The following CSMD1 variants were observed in gnomAD, a reference collection of about 807,000 sequenced individuals.
CSMD1 encodes CUB and Sushi multiple domains 1.
Under a neutral mutation model 417.5 loss-of-function variants are expected in CSMD1, and 213 were observed. The ratio of observed to expected loss-of-function variants is 0.51; its 90% CI spans 0.46 to 0.57. CSMD1 has a LOEUF of 0.57. CSMD1 is among the 20% of genes least tolerant of loss of function. The pLI is 0.00. For missense variants in CSMD1, 6,923 were observed against 4,529.7 expected (o/e 1.53, Z -15.17); for synonymous variants, 2,862 against 1,736.8 (o/e 1.65, Z -16.11).
chr8:3,722,384 T>C (rs1170969424), intron 6 of CSMD1, among the ~76,000 whole-genome samples: 1 of 152,190 alleles, frequency 6.6e-6, no homozygotes, highest in Admixed American at 6.5e-5. Flanking sequence ...CTTTAGGAAT[T>C]TGAAAGCACA....
chr8:4,469,683 T>C (rs1800410028), intron 2 of CSMD1, among the ~76,000 whole-genome samples: 1 of 152,018 alleles, frequency 6.6e-6, no homozygotes, highest in South Asian at 2.1e-4. Context: ...AGGGAACTCT[T>C]GTCATCACAG....
intron 3 of CSMD1, among the ~76,000 whole-genome samples, chr8:4,185,827 C>T (rs964406090): frequency 4.6e-5 from 7 of 152,158 alleles, no homozygotes; most frequent in African/African-American, 1.7e-4. Context: ...AGAAAGTGCC[C>T]TGCATAAGCA....
chr8:4,201,894 G>GT (rs386411917), intron 3 of CSMD1, among the ~76,000 whole-genome samples: 1 of 148,030 alleles, frequency 6.8e-6, no homozygotes. Context: ...TTTTGGGGGG[G>GT]GGGGGCGCTG....
intron 7 of CSMD1, among the ~76,000 whole-genome samples, chr8:3,630,751 C>A (rs2128217): frequency 5.9e-5 from 9 of 151,990 alleles, no homozygotes; most frequent in African/African-American, 2.2e-4. Flanking sequence ...ACTGAGCCAA[C>A]GGTGGTAGCA....
chr8:3,907,945 G>T (rs565539441), intron 5 of CSMD1, among the ~76,000 whole-genome samples: 1 of 151,438 alleles, frequency 6.6e-6, no homozygotes, highest in Non-Finnish European at 1.5e-5. Context: ...TGATTTTTTT[G>T]GGGGGTGTGG....
At chr8:4,930,862 A>G (rs1807200894) in intron 1 of CSMD1, among the ~76,000 whole-genome samples, 1 of 152,224 alleles carries the variant, frequency 6.6e-6, no homozygotes, top group Non-Finnish European at 1.5e-5. Flanking sequence ...ATTTCTTAAT[A>G]AAGGGTTCCC....
At chr8:4,351,359 C>G (rs564956634) in intron 3 of CSMD1, among the ~76,000 whole-genome samples, 1 of 152,204 alleles carries the variant, frequency 6.6e-6, no homozygotes, top group Non-Finnish European at 1.5e-5. Context: ...GAGGCATCTC[C>G]TTATTCGTCT....
chr8:3,093,662 C>A (rs954164270), intron 47 of CSMD1, among the ~76,000 whole-genome samples: 35 of 151,518 alleles, frequency 2.3e-4, no homozygotes, highest in African/African-American at 7.5e-4. Context: ...GAGCAAAATT[C>A]TGTCTCAAAA....
chr8:4,312,985 C>T (rs542648288), intron 3 of CSMD1, among the ~76,000 whole-genome samples: 37 of 152,070 alleles, frequency 2.4e-4, no homozygotes, highest in Middle Eastern at 3.4e-3. Context: ...GTAAGTTTTG[C>T]GGGGAAATGA....
At chr8:3,498,661 C>T (rs1253310108) in intron 10 of CSMD1, among the ~76,000 whole-genome samples, 1 of 152,160 alleles carries the variant, frequency 6.6e-6, no homozygotes, top group Non-Finnish European at 1.5e-5. Flanking sequence ...GCATTTTGTT[C>T]CACACATTTT....
chr8:4,318,804 T>C (rs1315120170), intron 3 of CSMD1, among the ~76,000 whole-genome samples: 5 of 151,958 alleles, frequency 3.3e-5, no homozygotes. Flanking sequence ...CAAGTTAATT[T>C]TAAACTATTT....
intron 7 of CSMD1, among the ~76,000 whole-genome samples, chr8:3,643,317 G>GA (rs1008399188): frequency 5.9e-5 from 9 of 151,598 alleles, no homozygotes; most frequent in East Asian, 1.9e-4. Context: ...AGAAAGAGGT[G>GA]AAAAAAAATG....
intron 1 of CSMD1, among the ~76,000 whole-genome samples, chr8:4,893,564 AT>A (rs1804273986): frequency 6.6e-6 from 1 of 152,148 alleles, no homozygotes. Context: ...CCAGATGACA[AT>A]TCTTTTGTAA....
intron 3 of CSMD1, among the ~76,000 whole-genome samples, chr8:4,191,318 C>T (rs188384518): frequency 0.028 from 4,244 of 152,096 alleles, 214 homozygotes; most frequent in African/African-American, 0.096. Context: ...ATGGCGTGAA[C>T]CCGGGAGGCA....
At chr8:3,105,990 T>A (rs1004191070) in intron 46 of CSMD1, among the ~76,000 whole-genome samples, 3 of 152,224 alleles carry the variant, frequency 2.0e-5, no homozygotes, top group South Asian at 2.1e-4. Flanking sequence ...TGATTTCTTA[T>A]TTGATATGGC....
intron 20 of CSMD1, among the ~76,000 whole-genome samples, chr8:3,360,745 C>T (rs963081632): frequency 5.3e-5 from 8 of 152,140 alleles, no homozygotes; most frequent in African/African-American, 1.9e-4. Flanking sequence ...TTTTTTCTAA[C>T]ACCATCTTTA....
chr8:3,532,990 C>T (rs1209463418), intron 10 of CSMD1, among the ~76,000 whole-genome samples: 1 of 152,054 alleles, frequency 6.6e-6, no homozygotes, highest in African/African-American at 2.4e-5. Context: ...TTATACATTC[C>T]CTTCTACTCA....
chr8:4,960,967 C>T (rs1411806635), intron 1 of CSMD1, among the ~76,000 whole-genome samples: 1 of 152,082 alleles, frequency 6.6e-6, no homozygotes, highest in African/African-American at 2.4e-5. Context: ...ATGCACTTAG[C>T]CCATCTTATC....
intron 50 of CSMD1, among the ~76,000 whole-genome samples, chr8:3,033,004 C>T (rs562966868): frequency 1.8e-4 from 28 of 152,128 alleles, no homozygotes; most frequent in African/African-American, 5.5e-4. Flanking sequence ...AATAATACCA[C>T]GGCAACTTGA....
Sources: allele counts gnomAD v4.1 joint callset (sites outside exome capture counted in the v4.1 genomes callset), GRCh38; gene constraint gnomAD v4.1.1; transcripts MANE v1.5; gene names NCBI Gene and HGNC (gene_info 2026-07-23, HGNC 2026-07-21).